ARHGAP15: variants seen among roughly 807,000 people sequenced by gnomAD.
ARHGAP15 encodes the protein Rho GTPase activating protein 15, also known as rho GTPase-activating protein 15.
In ARHGAP15, 51 loss-of-function variants were observed where a neutral mutation model predicts 63.7. The ratio of observed to expected loss-of-function variants is 0.80; its 90% CI spans 0.64 to 1.01. The LOEUF (loss-of-function observed/expected upper bound fraction) is 1.01. Among genes scored for constraint, ARHGAP15 ranks in the 50% least tolerant of loss-of-function variants. The probability of loss-of-function intolerance (pLI) is 0.00; values close to 1 mark genes in which losing one functional copy is unlikely to be tolerated. For synonymous variants in ARHGAP15, 191 were observed against 193.8 expected (o/e 0.99, Z 0.12); for missense variants, 560 against 564.6 (o/e 0.99, Z 0.08).
intron 6 of ARHGAP15, among the ~76,000 whole-genome samples, chr2:143,341,454 A>T (rs1367602722): frequency 1.3e-5 from 2 of 152,090 alleles, no homozygotes; most frequent in Non-Finnish European, 2.9e-5. Flanking sequence ...ACACCTTTAA[A>T]TCCACTCCCA....
intron 3 of ARHGAP15, among the ~76,000 whole-genome samples, chr2:143,209,137 G>A (rs961933473): frequency 1.3e-5 from 2 of 152,064 alleles, no homozygotes; most frequent in Admixed American, 6.6e-5. Context: ...TAGACTTTGG[G>A]GGAATAGTTC....
chr2:143,486,465 GCTGGGGTGGGAGGATCATATGAGC>G (rs1692329439), intron 8 of ARHGAP15, among the ~76,000 whole-genome samples: 1 of 151,518 alleles, frequency 6.6e-6, no homozygotes, highest in Admixed American at 6.6e-5. Context: ...TACTTGGGAG[GCTGGGGTGGGAGGATCATATGAGC>G]CTGAAGGGTT....
intron 12 of ARHGAP15, among the ~76,000 whole-genome samples, chr2:143,681,430 G>A (rs1005930053): frequency 6.6e-6 from 1 of 152,138 alleles, no homozygotes; most frequent in African/African-American, 2.4e-5. Context: ...CTTAAAGTAT[G>A]GAAAGATGCA....
At chr2:143,540,003 G>A (rs952914381) in intron 10 of ARHGAP15, among the ~76,000 whole-genome samples, 2 of 152,238 alleles carry the variant, frequency 1.3e-5, no homozygotes, top group African/African-American at 4.8e-5. Flanking sequence ...CATTATTATT[G>A]TGTGGGAGTC....
At chr2:143,526,146 A>G (rs1694269377) in intron 10 of ARHGAP15, among the ~76,000 whole-genome samples, 1 of 152,152 alleles carries the variant, frequency 6.6e-6, no homozygotes, top group African/African-American at 2.4e-5. Context: ...TATTAGTGAC[A>G]TTTAACAGAG....
chr2:143,424,583 CA>C (rs1261625864), intron 6 of ARHGAP15, among the ~76,000 whole-genome samples: 2 of 151,940 alleles, frequency 1.3e-5, no homozygotes, highest in African/African-American at 4.8e-5. Context: ...AATCTTTGTA[CA>C]AGCTTTTCCT....
At chr2:143,552,331 G>GT (rs1695601667) in intron 10 of ARHGAP15, among the ~76,000 whole-genome samples, 6 of 152,178 alleles carry the variant, frequency 3.9e-5, no homozygotes, top group Admixed American at 3.3e-4. Context: ...ACCTAAACCA[G>GT]TTTTCAACTA....
intron 6 of ARHGAP15, among the ~76,000 whole-genome samples, chr2:143,354,738 G>A (rs1007450179): frequency 6.6e-6 from 1 of 152,076 alleles, no homozygotes; most frequent in Non-Finnish European, 1.5e-5. Flanking sequence ...CGCCTGGAAC[G>A]ACTTTGCTTC....
chr2:143,523,400 T>C (rs955529253), intron 10 of ARHGAP15, among the ~76,000 whole-genome samples: 2 of 152,172 alleles, frequency 1.3e-5, no homozygotes, highest in Non-Finnish European at 2.9e-5. Context: ...TATCTGGTTT[T>C]ATCTTCATTA....
chr2:143,637,106 C>T (rs1415205402), intron 12 of ARHGAP15, among the ~76,000 whole-genome samples: 1 of 53,344 alleles, frequency 1.9e-5, no homozygotes, highest in Non-Finnish European at 6.0e-5. Flanking sequence ...ACTTTGTTGC[C>T]CCCCCCAAAG....
intron 1 of ARHGAP15, among the ~76,000 whole-genome samples, chr2:143,152,683 G>A (rs1689872458): frequency 6.6e-6 from 1 of 151,928 alleles, no homozygotes; most frequent in East Asian, 1.9e-4. Flanking sequence ...CAATATAGTG[G>A]TCTGCAAAAT....
At chr2:143,527,791 A>T (rs1463902192) in intron 10 of ARHGAP15, among the ~76,000 whole-genome samples, 1 of 152,076 alleles carries the variant, frequency 6.6e-6, no homozygotes, top group African/African-American at 2.4e-5. Context: ...AATCAGATAA[A>T]TTATATTCAA....
At chr2:143,334,676 A>G (rs924997894) in intron 6 of ARHGAP15, among the ~76,000 whole-genome samples, 1 of 152,226 alleles carries the variant, frequency 6.6e-6, no homozygotes, top group Non-Finnish European at 1.5e-5. Flanking sequence ...AATCACCATA[A>G]AGAAGAAAAT....
At chr2:143,418,543 C>A (rs1688780113) in intron 6 of ARHGAP15, among the ~76,000 whole-genome samples, 1 of 151,976 alleles carries the variant, frequency 6.6e-6, no homozygotes, top group Admixed American at 6.6e-5. Flanking sequence ...ATCAAATTCC[C>A]AATAGGATCT....
At chr2:143,156,698 G>A (rs62171671) in intron 2 of ARHGAP15, among the ~76,000 whole-genome samples, 1,656 of 152,000 alleles carry the variant, frequency 0.011, 16 homozygotes, top group Non-Finnish European at 0.017. Context: ...CTTTCCTCAG[G>A]TGTTGTAGAC....
At chr2:143,390,142 C>A (rs1687474419) in intron 6 of ARHGAP15, among the ~76,000 whole-genome samples, 2 of 152,032 alleles carry the variant, frequency 1.3e-5, no homozygotes, top group Admixed American at 6.6e-5. Context: ...CTATATCTGA[C>A]ACCATCAGGC....
At chr2:143,527,955 T>C (rs918413412) in intron 10 of ARHGAP15, among the ~76,000 whole-genome samples, 1 of 152,096 alleles carries the variant, frequency 6.6e-6, no homozygotes, top group Admixed American at 6.6e-5. Flanking sequence ...TTAAACAAGT[T>C]CATTTCTGAT....
At chr2:143,264,330 A>G (rs1680887354) in intron 6 of ARHGAP15, among the ~76,000 whole-genome samples, 1 of 152,038 alleles carries the variant, frequency 6.6e-6, no homozygotes, top group Admixed American at 6.6e-5. Context: ...AATGGGAAGG[A>G]TATTTTTGCT....
At chr2:143,550,354 A>T (rs1399571681) in intron 10 of ARHGAP15, among the ~76,000 whole-genome samples, 1 of 152,212 alleles carries the variant, frequency 6.6e-6, no homozygotes, top group East Asian at 1.9e-4. Context: ...AAAGTAAGAA[A>T]AATTACCGAT....
Sources: allele counts gnomAD v4.1 joint callset (sites outside exome capture counted in the v4.1 genomes callset), GRCh38; gene constraint gnomAD v4.1.1; transcripts MANE v1.5; gene names NCBI Gene and HGNC (gene_info 2026-07-23, HGNC 2026-07-21).